Variants in NPAS3 observed in about 807,000 individuals in gnomAD.
NPAS3 encodes the protein neuronal PAS domain protein 3, also known as neuronal PAS domain-containing protein 3.
NPAS3 carries 14 observed loss-of-function variants against 73.1 expected under a neutral mutation model. The observed-to-expected ratio is 0.19, with a 90% CI of 0.13 to 0.30. The LOEUF (loss-of-function observed/expected upper bound fraction) is 0.30. Among genes scored for constraint, NPAS3 ranks in the 10% least tolerant of loss-of-function variants. NPAS3 has a pLI of 1.00. For missense variants in NPAS3, 1,096 were observed against 1,250.0 expected, an observed-to-expected ratio of 0.88 and a Z score of 1.86; for synonymous variants, 620 against 541.5, an observed-to-expected ratio of 1.14 and a Z score of -2.01.
chr14:33,130,887 T>C (rs2043611526), intron 2 of NPAS3, among the ~76,000 whole-genome samples: 1 of 152,206 alleles, frequency 6.6e-6, no homozygotes, highest in African/African-American at 2.4e-5. Flanking sequence ...CATGATGATT[T>C]GAAGCTTGTG....
At chr14:33,243,775 A>T (rs1173869147) in intron 3 of NPAS3, among the ~76,000 whole-genome samples, 1 of 152,104 alleles carries the variant, frequency 6.6e-6, no homozygotes, top group South Asian at 2.1e-4. Context: ...AATTAAAAAA[A>T]AAAAAGTACA....
intron 4 of NPAS3, among the ~76,000 whole-genome samples, chr14:33,530,421 C>CGTG (rs1291050937): frequency 6.6e-6 from 1 of 152,136 alleles, no homozygotes; most frequent in African/African-American, 2.4e-5. Context: ...ATTAGAGTAT[C>CGTG]GTGGTCAGGC....
intron 4 of NPAS3, among the ~76,000 whole-genome samples, chr14:33,422,486 T>C (rs1158289723): frequency 6.6e-6 from 1 of 151,974 alleles, no homozygotes; most frequent in East Asian, 1.9e-4. Flanking sequence ...TTACCAATTA[T>C]ACCTTCTGTC....
Position 33,614,621 on chromosome 14 carries a change from G to T in NPAS3, c.558+54411G>T, listed in dbSNP as rs141181335. Among the ~76,000 whole-genome samples, 186 of 152,248 alleles carry T rather than the reference G, an allele frequency of 1.2e-3. 4 individuals carry two copies. Among genetic ancestry groups the T allele is most frequent in the African/African-American group, 4.2e-3 (175 of 41,524 alleles). On this transcript the variant is annotated intron_variant, in intron 5 of 11. Transcript: ENST00000356141. ...ATAAGCAGCTTAAACAGTCCTGGGG[G>T]TCATATACCACAGCAGTTTAGAGCA...
intron 1 of NPAS3, among the ~76,000 whole-genome samples, chr14:32,945,256 G>T (rs1294056248): frequency 1.3e-5 from 2 of 152,102 alleles, no homozygotes; most frequent in African/African-American, 4.8e-5. Context: ...GAGGCTCCTG[G>T]AGGACAGAGA....
At chr14:33,743,729 A>G (rs2061711373) in intron 7 of NPAS3, among the ~76,000 whole-genome samples, 1 of 152,242 alleles carries the variant, frequency 6.6e-6, no homozygotes, top group Non-Finnish European at 1.5e-5. Flanking sequence ...GTATCCATTA[A>G]CAATCTGTTG....
At chr14:33,774,443 C>A (rs145228000) in exon 8 of NPAS3, 1 of 1,614,024 alleles carries the variant, frequency 6.2e-7, no homozygotes, top group African/African-American at 1.3e-5. Flanking sequence ...GCCTTGCCTC[C>A]CCCTACGATC....
intron 4 of NPAS3, among the ~76,000 whole-genome samples, chr14:33,481,169 T>C (rs1012516094): frequency 6.6e-6 from 1 of 152,178 alleles, no homozygotes; most frequent in Non-Finnish European, 1.5e-5. Context: ...TAATGACAAA[T>C]TGGATTTTGT....
At chr14:33,679,605 A>G (rs2059876411) in intron 6 of NPAS3, among the ~76,000 whole-genome samples, 1 of 152,230 alleles carries the variant, frequency 6.6e-6, no homozygotes, top group Admixed American at 6.5e-5. Context: ...ATATATGGTT[A>G]TTATGAAAAT....
intron 4 of NPAS3, among the ~76,000 whole-genome samples, chr14:33,477,274 G>A (rs76482723): frequency 0.039 from 5,928 of 152,148 alleles, 146 homozygotes; most frequent in Middle Eastern, 0.068. Context: ...TCCAAACTGT[G>A]GACACATTAG....
intron 1 of NPAS3, among the ~76,000 whole-genome samples, chr14:33,015,711 G>A (rs1249297811): frequency 6.6e-6 from 1 of 152,088 alleles, no homozygotes; most frequent in East Asian, 1.9e-4. Flanking sequence ...GCAAGTGTGT[G>A]TATTCACATA....
chr14:33,240,656 C>T (rs533046463), intron 3 of NPAS3, among the ~76,000 whole-genome samples: 49 of 151,974 alleles, frequency 3.2e-4, no homozygotes, highest in African/African-American at 1.2e-3. Flanking sequence ...CTGCTTTTTC[C>T]TCTCTTGAGA....
chr14:33,074,599 T>A (rs923455150), intron 2 of NPAS3, among the ~76,000 whole-genome samples: 2 of 152,156 alleles, frequency 1.3e-5, no homozygotes, highest in Non-Finnish European at 2.9e-5. Context: ...GTATTTTTAG[T>A]AGAGATGGGA....
At chr14:33,530,088 C>T (rs907172992) in intron 4 of NPAS3, among the ~76,000 whole-genome samples, 5 of 151,902 alleles carry the variant, frequency 3.3e-5, no homozygotes, top group African/African-American at 9.7e-5. Flanking sequence ...TTTTTGTCAC[C>T]GCTCACCAAA....
intron 6 of NPAS3, among the ~76,000 whole-genome samples, chr14:33,709,878 T>C (rs981234044): frequency 3.3e-5 from 5 of 152,152 alleles, no homozygotes; most frequent in South Asian, 2.1e-4. Flanking sequence ...CTGGGATTTT[T>C]ACAGACCACT....
chr14:33,047,842 A>G (rs2040563158), intron 1 of NPAS3, among the ~76,000 whole-genome samples: 1 of 152,178 alleles, frequency 6.6e-6, no homozygotes, highest in Non-Finnish European at 1.5e-5. Flanking sequence ...CAGTTTTCTC[A>G]GTGGAAGGAC....
At chr14:33,027,121 C>T (rs1270545202) in intron 1 of NPAS3, among the ~76,000 whole-genome samples, 1 of 152,164 alleles carries the variant, frequency 6.6e-6, no homozygotes, top group African/African-American at 2.4e-5. Context: ...TAGGTCAGAT[C>T]ATAGCCTCTA....
intron 4 of NPAS3, among the ~76,000 whole-genome samples, chr14:33,466,428 A>G (rs913891141): frequency 1.3e-5 from 2 of 152,222 alleles, no homozygotes; most frequent in Non-Finnish European, 2.9e-5. Flanking sequence ...CAGTTTGGTT[A>G]TCAAGTAAAT....
chr14:33,434,559 G>C (rs1412162598), intron 4 of NPAS3, among the ~76,000 whole-genome samples: 3 of 151,868 alleles, frequency 2.0e-5, no homozygotes, highest in Non-Finnish European at 4.4e-5. Flanking sequence ...CAATGAAATA[G>C]AATGACAAAT....
Sources: allele counts gnomAD v4.1 joint callset (sites outside exome capture counted in the v4.1 genomes callset), GRCh38; gene constraint gnomAD v4.1.1; transcripts MANE v1.5; gene names NCBI Gene and HGNC (gene_info 2026-07-23, HGNC 2026-07-21).